The following PITPNC1 variants were observed in gnomAD, a reference collection of about 807,000 sequenced individuals.
PITPNC1 encodes cytoplasmic phosphatidylinositol transfer protein 1.
Under a neutral mutation model 44.7 loss-of-function variants are expected in PITPNC1, and 18 were observed. That is an observed-to-expected ratio of 0.40 (90% CI 0.28 to 0.60). The LOEUF (loss-of-function observed/expected upper bound fraction) is 0.60, where lower values mean the gene tolerates loss of function less well. Ranked by LOEUF, PITPNC1 falls within the 20% of genes least tolerant of loss-of-function variation. PITPNC1 has a pLI of 0.39. For missense variants in PITPNC1, 290 were observed against 418.4 expected (o/e 0.69, Z 2.68); for synonymous variants, 141 against 149.6 (o/e 0.94, Z 0.42).
intron 5 of PITPNC1, among the ~76,000 whole-genome samples, chr17:67,622,269 A>AAG (rs2041841212): frequency 6.6e-6 from 1 of 151,066 alleles, no homozygotes; most frequent in East Asian, 1.9e-4. Context: ...AAAAAAAAAA[A>AAG]AAAAGAAAAG....
In PITPNC1 at chr17:67,667,468, G is replaced by A. The variant is rs149040904; in HGVS notation, c.463-2040G>A. 1.6e-3 allele frequency among the ~76,000 whole-genome samples: 212 copies of A among 129,344 alleles called. 1 individual carries two copies. In the South Asian group the frequency reaches 0.022, roughly 13 times the overall value. 84.9% of individuals were successfully genotyped at this position (129,344 alleles called of 152,430 possible). A position where few individuals can be genotyped will look rare whatever the true frequency, so the allele number is the denominator to read the frequency against. On this transcript the variant is annotated intron_variant, in intron 6 of 8. Coordinates refer to ENST00000581322, the MANE Select transcript of PITPNC1 (RefSeq NM_012417.4). ...TACTTGAGCCTGGGAGGTCAAGGCC[G>A]CAGTGAGCCATGATCCTTTCTCAAA...
At chr17:67,397,889 C>A (rs530010973) in intron 1 of PITPNC1, among the ~76,000 whole-genome samples, 2 of 152,204 alleles carry the variant, frequency 1.3e-5, no homozygotes, top group East Asian at 3.9e-4. Flanking sequence ...GTCAGGAAAT[C>A]GAGACTATCC....
chr17:67,564,114 ATAGG>A (rs1219107253), intron 4 of PITPNC1, among the ~76,000 whole-genome samples: 2 of 152,094 alleles, frequency 1.3e-5, no homozygotes, highest in Non-Finnish European at 2.9e-5. Flanking sequence ...GATAGATTAG[ATAGG>A]TAGACAGATT....
chr17:67,433,237 C>T (rs1040187367), intron 1 of PITPNC1, among the ~76,000 whole-genome samples: 1 of 152,146 alleles, frequency 6.6e-6, no homozygotes, highest in Admixed American at 6.5e-5. Flanking sequence ...TTGGGCCAGA[C>T]CAAGGGAAGC....
intron 5 of PITPNC1, chr17:67,611,313 T>C (rs1440198092): frequency 6.6e-6 from 1 of 152,252 alleles, no homozygotes. Flanking sequence ...GGGATGCTAC[T>C]AGTCTGGATT....
chr17:67,421,278 T>TTTTA (rs1304949806), intron 1 of PITPNC1, among the ~76,000 whole-genome samples: 6 of 152,076 alleles, frequency 3.9e-5, no homozygotes, highest in Admixed American at 2.0e-4. Context: ...GAACGGTAAC[T>TTTTA]TTTATTTATT....
At chr17:67,589,412 C>G (rs1384782264) in intron 5 of PITPNC1, among the ~76,000 whole-genome samples, 1 of 152,118 alleles carries the variant, frequency 6.6e-6, no homozygotes, top group Non-Finnish European at 1.5e-5. Flanking sequence ...GTGATAAATT[C>G]AAAAAGACCT....
intron 2 of PITPNC1, among the ~76,000 whole-genome samples, chr17:67,536,732 C>A (rs1439425828): frequency 6.6e-6 from 1 of 152,164 alleles, no homozygotes. Flanking sequence ...CAGATACTCA[C>A]TTTTCTAGCC....
intron 4 of PITPNC1, 104 bp downstream of exon 4, chr17:67,553,721 G>T: frequency 4.2e-6 from 2 of 473,554 alleles, no homozygotes; most frequent in Non-Finnish European, 7.6e-6. Context: ...TTAAAAAGGG[G>T]AATAATTCCA....
In PITPNC1 at chr17:67,618,194, T is replaced by A. The variant is rs144245160; in HGVS notation, c.367-13949T>A. On this transcript the variant is annotated intron_variant, in intron 5 of 8. Coordinates refer to ENST00000581322, the MANE Select transcript of PITPNC1 (RefSeq NM_012417.4). ...GCCTGGCCAGCATGGTGAAACCCTA[T>A]CTCTACCTAAAAATACAAAAATTAG... 6.6e-3 allele frequency among the ~76,000 whole-genome samples: 999 copies of A among 150,728 alleles called. 11 individuals are homozygous for A. The highest frequency in any genetic ancestry group is 0.023 in the African/African-American group (952 of 40,976).
intron 1 of PITPNC1, among the ~76,000 whole-genome samples, chr17:67,514,869 T>C (rs951495508): frequency 2.6e-5 from 4 of 152,096 alleles, no homozygotes; most frequent in African/African-American, 9.7e-5. Flanking sequence ...CAGTCAAAGA[T>C]AACTCTGCCA....
chr17:67,417,447 T>C (rs1464038361), intron 1 of PITPNC1, among the ~76,000 whole-genome samples: 2 of 152,092 alleles, frequency 1.3e-5, no homozygotes, highest in African/African-American at 4.8e-5. Context: ...AGCACCCTCT[T>C]GATTCTTGAG....
chr17:67,603,010 G>T (rs567023973), intron 5 of PITPNC1, among the ~76,000 whole-genome samples: 1 of 152,048 alleles, frequency 6.6e-6, no homozygotes, highest in Non-Finnish European at 1.5e-5. Flanking sequence ...CGTAGTGCTG[G>T]GATTACAAGC....
chr17:67,437,717 A>G lies in PITPNC1; in HGVS notation c.48+59515A>G, dbSNP rs1223766631. 3.9e-5 allele frequency among the ~76,000 whole-genome samples: 6 copies of G among 152,274 alleles called. 1 individual carries two copies. In the South Asian group the frequency reaches 6.2e-4, roughly 16 times the overall value. ...GGTGGGTGGTCTTACCAGGAACTCA[A>G]AGGAGCTCTAAGATCCCAGAGGAGG... is the stretch of plus-strand genomic sequence containing the variant. On this transcript the variant is annotated intron_variant, in intron 1 of 8. Coordinates refer to ENST00000581322, the MANE Select transcript of PITPNC1 (RefSeq NM_012417.4).
chr17:67,482,339 A>G (rs1003305012), intron 1 of PITPNC1, among the ~76,000 whole-genome samples: 8 of 152,224 alleles, frequency 5.3e-5, no homozygotes, highest in African/African-American at 1.9e-4. Flanking sequence ...AGGCAAACCA[A>G]AAAGCATAGA....
chr17:67,489,585 T>C (rs2039833173), intron 1 of PITPNC1, among the ~76,000 whole-genome samples: 1 of 152,146 alleles, frequency 6.6e-6, no homozygotes. Context: ...GATTCTGATT[T>C]CATTGGTTTG....
At chr17:67,643,362 GACA>G (rs924818139) in intron 6 of PITPNC1, among the ~76,000 whole-genome samples, 4 of 152,118 alleles carry the variant, frequency 2.6e-5, no homozygotes, top group African/African-American at 4.8e-5. Context: ...CTCCAGCCTG[GACA>G]ACAGAGTGAG....
intron 1 of PITPNC1, among the ~76,000 whole-genome samples, chr17:67,504,292 G>C (rs1302325455): frequency 6.6e-6 from 1 of 152,128 alleles, no homozygotes; most frequent in African/African-American, 2.4e-5. Flanking sequence ...CTGCCTTGAA[G>C]TCTAGAGCAA....
intron 5 of PITPNC1, among the ~76,000 whole-genome samples, chr17:67,600,993 A>C (rs2041532066): frequency 6.6e-6 from 1 of 152,080 alleles, no homozygotes; most frequent in South Asian, 2.1e-4. Context: ...GTATTAACTC[A>C]TTAATCCTCT....
Sources: allele counts gnomAD v4.1 joint callset (sites outside exome capture counted in the v4.1 genomes callset), GRCh38; gene constraint gnomAD v4.1.1; transcripts MANE v1.5; gene names NCBI Gene and HGNC (gene_info 2026-07-23, HGNC 2026-07-21).